Variants in SCN3A observed in about 807,000 individuals in gnomAD.
SCN3A encodes sodium channel protein type 3 subunit alpha.
SCN3A carries 60 observed loss-of-function variants against 187.6 expected under a neutral mutation model. The ratio of observed to expected loss-of-function variants is 0.32; its 90% confidence interval spans 0.26 to 0.40. The LOEUF is 0.40. SCN3A is among the 10% of genes least tolerant of loss of function. The probability of loss-of-function intolerance (pLI) is 1.00; values close to 1 mark genes in which losing one functional copy is unlikely to be tolerated. For synonymous variants in SCN3A, 788 were observed against 829.2 expected (o/e 0.95, Z 0.85); for missense variants, 1,601 against 2,428.2 (o/e 0.66, Z 7.16).
chr2:165,120,746 C>T (rs945171324), intron 18 of SCN3A, among the ~76,000 whole-genome samples: 3 of 151,196 alleles, frequency 2.0e-5, no homozygotes, highest in African/African-American at 7.3e-5. Context: ...GACAGCCACA[C>T]AGTGAAGCCA....
chr2:165,090,515 C>T lies in SCN3A; in HGVS notation c.5638G>A (p.Ala1880Thr), dbSNP rs991413984. The T allele has an allele frequency of 3.1e-6, 5 of 1,613,984 alleles. No individual in the cohort carries two copies. Among genetic ancestry groups the T allele is most frequent in the Non-Finnish European group, 3.4e-6 (4 of 1,179,960 alleles). The change falls in exon 28 of 28, where the codon GCA becomes ACA. Residue 1880 changes from alanine to threonine, a missense_variant. Around this residue, in one of 11 missense-constraint regions of SCN3A, gnomAD observed 110 missense variants for 175.9 expected, o/e 0.63. Coordinates refer to ENST00000283254, the MANE Select transcript of SCN3A (RefSeq NM_006922.4). This position sits in a 1 kb window ranked among gnomAD's most constrained non-coding sequence, Gnocchi z 4.0. ...LRIQMEDRFM[A>T]SNPSKVSYEP... ...TAAGAGACTTTGGAGGGGTTTGATG[C>T]CATAAACCTGTCTTCCATCTGTATT...
chr2:165,187,168 G>A (rs939792545), intron 1 of SCN3A, among the ~76,000 whole-genome samples: 1 of 152,078 alleles, frequency 6.6e-6, no homozygotes, highest in African/African-American at 2.4e-5. Flanking sequence ...GGTTCACATT[G>A]GTGTTGTAGG....
intron 7 of SCN3A, 41 bp downstream of exon 7, chr2:165,163,577 C>T: frequency 6.2e-7 from 1 of 1,605,630 alleles, no homozygotes; most frequent in Non-Finnish European, 8.5e-7. Flanking sequence ...ATTTCAAACT[C>T]AATAATTAAA....
chr2:165,170,401 C>T (rs781630969), intron 4 of SCN3A, 29 bp downstream of exon 4: 4 of 1,216,698 alleles, frequency 3.3e-6, no homozygotes, highest in Non-Finnish European at 4.9e-6. Context: ...TTAGAAATAG[C>T]ATTTAGGCAA....
At chr2:165,183,727 C>A (rs1691038381) in intron 2 of SCN3A, among the ~76,000 whole-genome samples, 1 of 152,162 alleles carries the variant, frequency 6.6e-6, no homozygotes, top group African/African-American at 2.4e-5. Flanking sequence ...TTCCCTCTCT[C>A]TGTCGGGATT....
intron 18 of SCN3A, among the ~76,000 whole-genome samples, chr2:165,123,343 T>C (rs1387788615): frequency 1.3e-5 from 2 of 152,118 alleles, no homozygotes; most frequent in African/African-American, 2.4e-5. Flanking sequence ...GCAATTCCCA[T>C]GTTTATCTCT....
chr2:165,154,756 T>C lies in SCN3A; in HGVS notation c.1174-98A>G, dbSNP rs967636918. 20 of 1,188,298 alleles carry C rather than the reference T, an allele frequency of 1.7e-5. No homozygotes were observed. In the East Asian group the frequency reaches 2.0e-4, roughly 12 times the overall value. The allele number at this position is 1,188,298 out of a possible 1,614,324, so 73.6% of individuals were successfully genotyped here. The stretch of plus-strand genomic sequence containing the variant: ...TTAGATAGTCAGTAGACTAATTAGC[T>C]TTTTAGTATCCAGTTTATTTTCACC... On this transcript the variant is annotated intron_variant, in intron 10 of 27. Transcript: ENST00000283254.
In SCN3A at chr2:165,158,410, AT is replaced by A. The variant is rs199801186; in HGVS notation, c.1032-2508del. Reference sequence around the variant, plus strand: ...CTGGGATCCCCAAACCTCACAAAAGATTTTTTTTTTAATTTGTATATATTAA... The same window carrying A: ...CTGGGATCCCCAAACCTCACAAAAGATTTTTTTTTAATTTGTATATATTAA... On this transcript the variant is annotated intron_variant, in intron 9 of 27. Transcript: ENST00000283254. Among the ~76,000 whole-genome samples, 194 of 133,968 alleles carry A rather than the reference AT, an allele frequency of 1.4e-3. 19 individuals carry two copies. Among genetic ancestry groups the A allele is most frequent in the South Asian group, 7.2e-3 (31 of 4,296 alleles). The allele number at this position is 133,968 out of a possible 152,430, so 87.9% of individuals were successfully genotyped here. A position where few individuals can be genotyped will look rare whatever the true frequency, so the allele number is the denominator to read the frequency against.
intron 21 of SCN3A, among the ~76,000 whole-genome samples, chr2:165,111,427 C>T (rs986088562): frequency 9.9e-5 from 15 of 151,630 alleles, no homozygotes; most frequent in Admixed American, 9.2e-4. Flanking sequence ...CCATCTTTGA[C>T]AGAGAAGGTG....
chr2:165,146,880 C>T lies in SCN3A; in HGVS notation c.1530G>A (p.Glu510=). 6.2e-7 allele frequency: 1 copy of T among 1,614,028 alleles called. No homozygotes were observed. The highest frequency in any genetic ancestry group is 8.5e-7 in the Non-Finnish European group (1 of 1,179,956). Residue 510 remains glutamate, a synonymous_variant, in exon 12 of 28, where the codon GAG becomes GAA. Transcript: ENST00000283254. Reference sequence around the variant, plus strand: ...CTCCTTTGTTGTTTCCTTCAAGGTGCTCTCTCTGTCTTCTTTTCTTCCTTC... The same window carrying T: ...CTCCTTTGTTGTTTCCTTCAAGGTGTTCTCTCTGTCTTCTTTTCTTCCTTC... ...RNRRKKRRQR[E]HLEGNNKGER...
intron 15 of SCN3A, among the ~76,000 whole-genome samples, chr2:165,132,430 G>A (rs1413066034): frequency 6.6e-6 from 1 of 152,142 alleles, no homozygotes; most frequent in African/African-American, 2.4e-5. Context: ...TACCAAAACA[G>A]AGATATAGAT....
At chr2:165,171,916 T>G (rs1056570706) in intron 3 of SCN3A, among the ~76,000 whole-genome samples, 2 of 152,130 alleles carry the variant, frequency 1.3e-5, no homozygotes, top group African/African-American at 4.8e-5. Flanking sequence ...TTTAATTAAA[T>G]GTGGGTTTAC....
intron 3 of SCN3A, among the ~76,000 whole-genome samples, chr2:165,175,833 CA>C (rs1690416024): frequency 6.6e-6 from 1 of 152,092 alleles, no homozygotes; most frequent in African/African-American, 2.4e-5. Flanking sequence ...TTGAATATGT[CA>C]GCCATAACAG....
intron 11 of SCN3A, among the ~76,000 whole-genome samples, chr2:165,152,062 C>T (rs1254236378): frequency 2.0e-5 from 3 of 151,850 alleles, no homozygotes; most frequent in Non-Finnish European, 4.4e-5. Flanking sequence ...AACTATGTCC[C>T]GAAACAAAGA....
In SCN3A at chr2:165,162,368, T is replaced by C; in HGVS notation, c.971A>G (p.His324Arg). The C allele has an allele frequency of 6.2e-7, 1 of 1,613,632 alleles. No individual in the cohort carries two copies. Among genetic ancestry groups the C allele is most frequent in the Non-Finnish European group, 8.5e-7 (1 of 1,179,756 alleles). ...TTTTTGCCCATCCAAAACATAAAAG[T>C]GACCTGTTAATACAAAAAAAAACCC... ...NWKDYIGDDS[H>R]FYVLDGQKDP... The change falls in exon 9 of 28, where the codon CAC (histidine) becomes CGC (arginine). Residue 324 changes from histidine (H) to arginine (R), a missense_variant. Around this residue, in one of 11 missense-constraint regions of SCN3A, gnomAD observed 104 missense variants for 102.7 expected, o/e 1.01. Coordinates refer to ENST00000283254, the MANE Select transcript of SCN3A (RefSeq NM_006922.4).
At chr2:165,095,061 C>G (rs1005718047) in intron 25 of SCN3A, among the ~76,000 whole-genome samples, 2 of 151,748 alleles carry the variant, frequency 1.3e-5, no homozygotes, top group African/African-American at 2.4e-5. Context: ...AGGAACATTC[C>G]AGGATAAAAA....
At chr2:165,167,066 ATTGT>A (rs1177600829) in intron 5 of SCN3A, among the ~76,000 whole-genome samples, 2 of 152,182 alleles carry the variant, frequency 1.3e-5, no homozygotes, top group East Asian at 1.9e-4. Flanking sequence ...CACCTGGCTC[ATTGT>A]TTGTATTTTT....
intron 24 of SCN3A, among the ~76,000 whole-genome samples, chr2:165,096,258 T>C (rs1249219526): frequency 6.6e-6 from 1 of 152,162 alleles, no homozygotes; most frequent in African/African-American, 2.4e-5. Context: ...TTAGGATCCA[T>C]GCAGCTAGAT....
chr2:165,153,065 G>T (rs1181507380), intron 11 of SCN3A, among the ~76,000 whole-genome samples: 1 of 146,694 alleles, frequency 6.8e-6, no homozygotes, highest in Non-Finnish European at 1.5e-5. Context: ...CGTCATAAAA[G>T]GTACAGGAAT....
Sources: gnomAD v4.1 joint callset for allele counts (sites outside exome capture counted in the v4.1 genomes callset) on GRCh38, gnomAD v4.1.1 for gene constraint, gnomAD v4.1.1 regional missense constraint, Gnocchi (gnomAD v3.1) non-coding constraint, MANE v1.5 for transcripts, NCBI Gene and HGNC (gene_info 2026-07-23, HGNC 2026-07-21) for gene names.